PGAP2: variants seen among roughly 807,000 people sequenced by gnomAD.
PGAP2 encodes post-GPI attachment to proteins 2.
In PGAP2, 21 loss-of-function variants were observed where a neutral mutation model predicts 33.2. That is an observed-to-expected ratio of 0.63 (90% CI 0.45 to 0.91). PGAP2 has a LOEUF of 0.91. Ranked by LOEUF, PGAP2 falls within the 40% of genes least tolerant of loss-of-function variation. The probability of loss-of-function intolerance (pLI) is 0.00; values close to 1 mark genes in which losing one functional copy is unlikely to be tolerated. For synonymous variants in PGAP2, 161 were observed against 172.9 expected (o/e 0.93, Z 0.54); for missense variants, 345 against 424.0 (o/e 0.81, Z 1.64).
chr11:3,810,281 T>C (rs1398439967), intron 1 of PGAP2, among the ~76,000 whole-genome samples: 2 of 152,194 alleles, frequency 1.3e-5, no homozygotes, highest in African/African-American at 4.8e-5. Context: ...TTTCTCAAGT[T>C]CAGACACAGA....
chr11:3,825,421 T>A lies in PGAP2; in HGVS notation c.911T>A (p.Leu304Gln). 6.2e-7 allele frequency: 1 copy of A among 1,613,898 alleles called. No individual in the cohort carries two copies. Among genetic ancestry groups the A allele is most frequent in the Non-Finnish European group, 8.5e-7 (1 of 1,179,998 alleles). ...TAWWDFGNKELLITSQPEEKR... is the reference protein window; with the variant it reads ...TAWWDFGNKEQLITSQPEEKR... Reference sequence around the variant, plus strand: ...TGGTGGGACTTCGGGAACAAGGAGCTGCTCATAACCTCTCAGCCTGAGGAA... The same window carrying A: ...TGGTGGGACTTCGGGAACAAGGAGCAGCTCATAACCTCTCAGCCTGAGGAA... The change falls in exon 7 of 7, where the codon CTG becomes CAG. Residue 304 changes from leucine (L) to glutamine (Q), a missense_variant. By Grantham distance (113) the Leu-to-Gln change is moderately radical (BLOSUM62 -2). This residue lies in a region of PGAP2 where 311 missense variants were observed against 353.6 expected (regional missense o/e 0.88). Transcript: ENST00000278243.
At position 3,811,094 on chromosome 11, in the gene PGAP2, C is replaced by T. The variant is rs2085461892; in HGVS notation, c.-10-156C>T. Among the ~76,000 whole-genome samples the T allele has an allele frequency of 6.6e-6, 1 of 152,168 alleles. No individual in the cohort carries two copies. The highest frequency in any genetic ancestry group is 2.1e-4 in the South Asian group (1 of 4,834). On this transcript the variant is annotated intron_variant, in intron 1 of 6. Coordinates refer to ENST00000278243, the MANE Select transcript of PGAP2 (RefSeq NM_014489.4). This position sits in a 1 kb window ranked among gnomAD's most constrained non-coding sequence, Gnocchi z 4.6. ...GGGATTCTGAGTCAGTCTTCCTCAT[C>T]CAGGGCAAGAGCTATCCAAGTTTAG...
chr11:3,806,951 G>A (rs1050690613), upstream of PGAP2, among the ~76,000 whole-genome samples: 2 of 152,012 alleles, frequency 1.3e-5, no homozygotes, highest in East Asian at 3.9e-4. Context: ...AACCCGGGAG[G>A]TGGAGGTTGC....
At chr11:3,823,814 T>G in intron 3 of PGAP2, 69 bp from the exon 4 acceptor site, 1 of 1,597,560 alleles carries the variant, frequency 6.3e-7, no homozygotes, top group Non-Finnish European at 8.5e-7. Flanking sequence ...TTTTGTCAGA[T>G]GGAGAGAAGG....
chr11:3,824,966 C>G, intron 5 of PGAP2, 54 bp from the exon 6 acceptor site: 2 of 1,610,144 alleles, frequency 1.2e-6, no homozygotes, highest in South Asian at 2.2e-5. Flanking sequence ...GAGAGGGGAG[C>G]CCACGCTCTC....
intron 5 of PGAP2, chr11:3,824,606 T>A: frequency 1.4e-6 from 1 of 713,192 alleles, no homozygotes; most frequent in Non-Finnish European, 2.3e-6. Flanking sequence ...ATAGAAGAGA[T>A]GGAGGCTGCA....
intron 5 of PGAP2, 140 bp from the exon 6 acceptor site, chr11:3,824,880 C>T (rs1436070518): frequency 6.8e-7 from 1 of 1,473,526 alleles, no homozygotes; most frequent in South Asian, 1.4e-5. Context: ...ATTCTTGCTG[C>T]CCCTGCCTGT....
intron 1 of PGAP2, among the ~76,000 whole-genome samples, chr11:3,800,522 G>T (rs2083283167): frequency 6.6e-6 from 1 of 151,958 alleles, no homozygotes; most frequent in Non-Finnish European, 1.5e-5. Flanking sequence ...ATTTAATTAA[G>T]AAATTTGGGC....
chr11:3,809,038 C>T (rs1564991232), intron 1 of PGAP2, among the ~76,000 whole-genome samples: 1 of 152,188 alleles, frequency 6.6e-6, no homozygotes. Flanking sequence ...GTTTCCTCAT[C>T]TGTAAAATGG....
At chr11:3,812,718 T>C (rs368798526) in intron 2 of PGAP2, among the ~76,000 whole-genome samples, 14 of 152,190 alleles carry the variant, frequency 9.2e-5, no homozygotes, top group African/African-American at 1.9e-4. Flanking sequence ...AGCATCTGCT[T>C]CAGAGAAATG....
chr11:3,820,264 T>C (rs547248731), intron 3 of PGAP2, among the ~76,000 whole-genome samples: 11 of 152,256 alleles, frequency 7.2e-5, no homozygotes, highest in Non-Finnish European at 1.6e-4. Flanking sequence ...TCCCATGCTC[T>C]GTGGCCATGT....
At chr11:3,807,114 G>C (rs2084518805), upstream of PGAP2, among the ~76,000 whole-genome samples, 1 of 151,470 alleles carries the variant, frequency 6.6e-6, no homozygotes, top group Non-Finnish European at 1.5e-5. Context: ...GGCGGGGGCA[G>C]ATCACGAGGT....
intron 1 of PGAP2, among the ~76,000 whole-genome samples, chr11:3,801,950 C>G (rs938959630): frequency 1.3e-4 from 20 of 151,738 alleles, no homozygotes; most frequent in Non-Finnish European, 2.6e-4. Flanking sequence ...GATTCTGTCT[C>G]TAAATAAATA....
chr11:3,811,387 TCTTCCA>T lies in PGAP2; in HGVS notation c.133_138del (p.His45_Phe46del), dbSNP rs758455883. The T allele has an allele frequency of 1.2e-5, 20 of 1,613,982 alleles. No individual in the cohort carries two copies. On this transcript the variant is annotated inframe_deletion, in exon 2 of 7. Transcript: ENST00000278243. The surrounding 1 kb of genome is among the most constrained non-coding windows in gnomAD (Gnocchi z 4.6). ...CTCTTCTGCATCCTCTGGTCCCTGC[TCTTCCA>T]CTTCAAGGAGACAACGGCCACACAC... is the stretch of plus-strand genomic sequence containing the variant.
intron 1 of PGAP2, among the ~76,000 whole-genome samples, chr11:3,800,384 T>G (rs1253802729): frequency 6.6e-6 from 1 of 152,220 alleles, no homozygotes; most frequent in Non-Finnish European, 1.5e-5. Context: ...AATGAGTGAA[T>G]TATTTTCTTC....
At chr11:3,807,464 T>A (rs1184239581), upstream of PGAP2, among the ~76,000 whole-genome samples, 1 of 150,842 alleles carries the variant, frequency 6.6e-6, no homozygotes, top group African/African-American at 2.4e-5. Context: ...CCCGCCACCG[T>A]GCCCGGCTAA....
At chr11:3,808,317 T>C, upstream of PGAP2, 1 of 1,551,376 alleles carries the variant, frequency 6.4e-7, no homozygotes, top group Non-Finnish European at 8.7e-7. Flanking sequence ...AGCTGAGAGG[T>C]AAGGCGACAA....
chr11:3,804,933 C>T (rs999812014), upstream of PGAP2, among the ~76,000 whole-genome samples: 18 of 152,172 alleles, frequency 1.2e-4, no homozygotes, highest in African/African-American at 3.9e-4. Context: ...AACTCGTGAC[C>T]TCAGGTGATC....
chr11:3,800,811 CAAAAAAA>C (rs1162584142), intron 1 of PGAP2, among the ~76,000 whole-genome samples: 1 of 67,100 alleles, frequency 1.5e-5, no homozygotes, highest in South Asian at 4.5e-4. Flanking sequence ...GACTCCGTCT[CAAAAAAA>C]AAAAAAAAAA....
Sources: gnomAD v4.1 joint callset for allele counts (sites outside exome capture counted in the v4.1 genomes callset) on GRCh38, gnomAD v4.1.1 for gene constraint, gnomAD v4.1.1 regional missense constraint, Gnocchi (gnomAD v3.1) non-coding constraint, MANE v1.5 for transcripts, NCBI Gene and HGNC (gene_info 2026-07-23, HGNC 2026-07-21) for gene names.